SCLT1: variants seen among roughly 807,000 people sequenced by gnomAD.
The protein encoded by SCLT1 is sodium channel and clathrin linker 1, also known as sodium channel-associated protein 1.
SCLT1 carries 78 observed loss-of-function variants against 112.8 expected under a neutral mutation model. That is an observed-to-expected ratio of 0.69 (90% CI 0.58 to 0.83). The LOEUF (loss-of-function observed/expected upper bound fraction) is 0.83, where lower values mean the gene tolerates loss of function less well. Ranked by LOEUF, SCLT1 falls within the 40% of genes least tolerant of loss-of-function variation. The pLI is 0.00. For missense variants in SCLT1, 747 were observed against 770.4 expected (o/e 0.97, Z 0.36); for synonymous variants, 257 against 254.7 (o/e 1.01, Z -0.09).
intron 9 of SCLT1, among the ~76,000 whole-genome samples, chr4:128,981,089 A>G (rs1257287001): frequency 6.6e-6 from 1 of 152,172 alleles, no homozygotes; most frequent in African/African-American, 2.4e-5. Context: ...ACATCACCAG[A>G]TCATAATCCA....
At chr4:128,977,344 T>C (rs1180847549) in intron 9 of SCLT1, among the ~76,000 whole-genome samples, 1 of 152,158 alleles carries the variant, frequency 6.6e-6, no homozygotes, top group African/African-American at 2.4e-5. Context: ...AGCACCTACA[T>C]GTACTATACC....
chr4:128,942,177 T>C (rs11736731), intron 17 of SCLT1, among the ~76,000 whole-genome samples: 31,519 of 151,988 alleles, frequency 0.21, 3,402 homozygotes, highest in Middle Eastern at 0.31. Context: ...GTTCAAGGTT[T>C]TACAAATAAC....
chr4:129,017,540 A>AT (rs1189407107), intron 5 of SCLT1, among the ~76,000 whole-genome samples: 4 of 152,156 alleles, frequency 2.6e-5, no homozygotes, highest in Non-Finnish European at 5.9e-5. Flanking sequence ...TTAAAGCATT[A>AT]TTTTTTATGT....
At chr4:128,990,415 A>T (rs969640800) in intron 9 of SCLT1, among the ~76,000 whole-genome samples, 1 of 152,000 alleles carries the variant, frequency 6.6e-6, no homozygotes, top group African/African-American at 2.4e-5. Flanking sequence ...AACTCTAAAG[A>T]AAACCTGGGT....
At chr4:128,949,616 G>A (rs1399467150) in intron 14 of SCLT1, among the ~76,000 whole-genome samples, 1 of 151,946 alleles carries the variant, frequency 6.6e-6, no homozygotes, top group Non-Finnish European at 1.5e-5. Flanking sequence ...ACCTATAAGT[G>A]AGAACATGCG....
intron 14 of SCLT1, 26 bp from the exon 15 acceptor site, chr4:128,948,596 T>TTGGTA: frequency 9.2e-6 from 14 of 1,523,160 alleles, no homozygotes; most frequent in Non-Finnish European, 1.3e-5. Flanking sequence ...ATATTGTAAA[T>TTGGTA]ATATACATTT....
intron 15 of SCLT1, among the ~76,000 whole-genome samples, chr4:128,947,859 A>T (rs1050202204): frequency 6.6e-6 from 1 of 152,206 alleles, no homozygotes; most frequent in Non-Finnish European, 1.5e-5. Flanking sequence ...CTGGTTATAT[A>T]TACTTGTTTT....
downstream of SCLT1, among the ~76,000 whole-genome samples, chr4:128,879,463 CTA>C (rs759056274): frequency 2.9e-4 from 44 of 152,122 alleles, no homozygotes; most frequent in Non-Finnish European, 5.6e-4. Context: ...TCCTCAAACT[CTA>C]AAGATACAAT....
intron 5 of SCLT1, chr4:129,036,961 T>C (rs1002415102): frequency 3.3e-5 from 5 of 152,006 alleles, no homozygotes; most frequent in Admixed American, 2.6e-4. Context: ...CAAAAAATGA[T>C]GTATCAGATT....
chr4:129,021,507 G>A (rs1199349858), intron 5 of SCLT1, among the ~76,000 whole-genome samples: 1 of 152,180 alleles, frequency 6.6e-6, no homozygotes, highest in Non-Finnish European at 1.5e-5. Flanking sequence ...GGTTGCGGGA[G>A]GGGCATCCGC....
intron 5 of SCLT1, among the ~76,000 whole-genome samples, chr4:129,020,700 A>AT (rs1343058819): frequency 6.6e-6 from 1 of 152,248 alleles, no homozygotes; most frequent in Non-Finnish European, 1.5e-5. Flanking sequence ...TTCCACGTAT[A>AT]TACTTATCAT....
intron 9 of SCLT1, among the ~76,000 whole-genome samples, chr4:128,975,539 C>T (rs1325409759): frequency 6.6e-6 from 1 of 152,102 alleles, no homozygotes; most frequent in East Asian, 1.9e-4. Flanking sequence ...TCTTCCTGCA[C>T]TGTCATACAA....
intron 4 of SCLT1, among the ~76,000 whole-genome samples, chr4:129,043,013 CAG>C (rs760741862): frequency 1.6e-4 from 24 of 151,760 alleles, no homozygotes; most frequent in Non-Finnish European, 2.8e-4. Context: ...TCAGAGGTTG[CAG>C]AGAGCCGAGA....
At chr4:129,020,652 C>G (rs1296567469) in intron 5 of SCLT1, among the ~76,000 whole-genome samples, 1 of 152,158 alleles carries the variant, frequency 6.6e-6, no homozygotes, top group Non-Finnish European at 1.5e-5. Flanking sequence ...GAGGAACACA[C>G]CTGTAGATAC....
intron 18 of SCLT1, among the ~76,000 whole-genome samples, chr4:128,934,366 T>C (rs1489687605): frequency 1.3e-5 from 2 of 151,908 alleles, no homozygotes; most frequent in East Asian, 3.8e-4. Flanking sequence ...TATTACTTTT[T>C]TTTAACTTAA....
At chr4:128,980,442 G>A (rs1741545355) in intron 9 of SCLT1, among the ~76,000 whole-genome samples, 1 of 152,076 alleles carries the variant, frequency 6.6e-6, no homozygotes. Flanking sequence ...TACAAACTGT[G>A]ATTTATATAA....
In SCLT1 at chr4:129,084,299, T is replaced by C. The variant is rs2125778678; in HGVS notation, c.35-1926A>G. Among the ~76,000 whole-genome samples the C allele has an allele frequency of 2.0e-5, 3 of 152,258 alleles. 1 individual carries two copies. The South Asian group carries it at 6.2e-4, about 32-fold the overall frequency. ...GTGATTAATCCAAAAAAACCACAGA[T>C]ACATACTTAAAAATCAATCATGAAG... On this transcript the variant is annotated intron_variant, in intron 1 of 20. Coordinates refer to ENST00000281142, the MANE Select transcript of SCLT1 (RefSeq NM_144643.4).
At chr4:128,902,421 T>G (rs760886411) in intron 18 of SCLT1, among the ~76,000 whole-genome samples, 3 of 152,234 alleles carry the variant, frequency 2.0e-5, no homozygotes, top group Non-Finnish European at 2.9e-5. Flanking sequence ...TATAGCCTAC[T>G]GCTCCTAGGC....
At position 129,014,475 on chromosome 4, in the gene SCLT1, G is replaced by C. The variant is rs74919657; in HGVS notation, c.291-10599C>G. Among the ~76,000 whole-genome samples, 1,211 of 152,170 alleles carry C rather than the reference G, an allele frequency of 8.0e-3. 15 individuals carry two copies. The highest frequency in any genetic ancestry group is 0.028 in the African/African-American group (1,161 of 41,510). On this transcript the variant is annotated intron_variant, in intron 5 of 20. Coordinates refer to ENST00000281142, the MANE Select transcript of SCLT1 (RefSeq NM_144643.4). ...CAATCTTTGAGGCTGCTGACCTTTC[G>C]AGGCTTTTGTTCTCTTTTATCCTAT...
Sources: allele counts gnomAD v4.1 joint callset (sites outside exome capture counted in the v4.1 genomes callset), GRCh38; gene constraint gnomAD v4.1.1; transcripts MANE v1.5; gene names NCBI Gene and HGNC (gene_info 2026-07-23, HGNC 2026-07-21).